ARHGAP28: variants seen among roughly 807,000 people sequenced by gnomAD.
ARHGAP28 encodes rho GTPase-activating protein 28.
In ARHGAP28, 56 loss-of-function variants were observed where a neutral mutation model predicts 90.7. The ratio of observed to expected loss-of-function variants is 0.62; its 90% CI spans 0.50 to 0.77. The LOEUF is 0.77. Ranked by LOEUF, ARHGAP28 falls within the 30% of genes least tolerant of loss-of-function variation. ARHGAP28 has a pLI of 0.00. For synonymous variants in ARHGAP28, 308 were observed against 323.3 expected, an observed-to-expected ratio of 0.95 and a Z score of 0.51; for missense variants, 869 against 900.9, an observed-to-expected ratio of 0.96 and a Z score of 0.45.
chr18:6,865,770 A>G (rs1487776986), intron 5 of ARHGAP28, among the ~76,000 whole-genome samples: 1 of 151,932 alleles, frequency 6.6e-6, no homozygotes, highest in Non-Finnish European at 1.5e-5. Flanking sequence ...TAACATAATA[A>G]CCCCTCATAC....
At chr18:6,740,219 C>G (rs1160245099) in intron 1 of ARHGAP28, among the ~76,000 whole-genome samples, 5 of 152,202 alleles carry the variant, frequency 3.3e-5, no homozygotes, top group Admixed American at 6.5e-5. Context: ...AATTCTTCCT[C>G]TATTCTCTCC....
At chr18:6,826,132 T>TTC (rs1491561709) in intron 2 of ARHGAP28, among the ~76,000 whole-genome samples, 20 of 145,312 alleles carry the variant, frequency 1.4e-4, no homozygotes, top group African/African-American at 4.3e-4. Context: ...TTTTTTTTTT[T>TTC]CTGTTTGTTT....
intron 1 of ARHGAP28, among the ~76,000 whole-genome samples, chr18:6,799,630 G>A (rs973698336): frequency 6.6e-6 from 1 of 152,184 alleles, no homozygotes; most frequent in Non-Finnish European, 1.5e-5. Context: ...AAGCAATGAG[G>A]AAAGGATTCC....
chr18:6,756,959 G>A (rs963828738), intron 1 of ARHGAP28, among the ~76,000 whole-genome samples: 13 of 152,110 alleles, frequency 8.5e-5, no homozygotes, highest in Admixed American at 1.3e-4. Context: ...CGTTGAGGGT[G>A]GGTCTGCCTC....
rs1462361722 is a variant in ARHGAP28, at chr18:6,914,964, G to A, written c.*2810G>A. ...CTATACAGTATAAACTACCTCACTT[G>A]CCTTTCTTGGGAAAAAAAAAATGAA... On this transcript the variant is annotated 3_prime_UTR_variant, in exon 18 of 18. Coordinates refer to ENST00000383472, the MANE Select transcript of ARHGAP28 (RefSeq NM_001366230.1). 6.6e-6 allele frequency: 1 copy of A among 152,258 alleles called. No individual in the cohort carries two copies. The highest frequency in any genetic ancestry group is 2.4e-5 in the African/African-American group (1 of 41,304). The allele number at this position is 152,258 out of a possible 1,614,324, so 9.4% of individuals were successfully genotyped here. A position where few individuals can be genotyped will look rare whatever the true frequency, so the allele number is the denominator to read the frequency against.
intron 2 of ARHGAP28, among the ~76,000 whole-genome samples, chr18:6,835,798 T>C (rs955690545): frequency 1.3e-5 from 2 of 152,226 alleles, no homozygotes; most frequent in Admixed American, 6.5e-5. Flanking sequence ...GGTGGGAGAA[T>C]GAACATCAAT....
rs371049446 is a variant in ARHGAP28, at chr18:6,841,423, GA to G, written c.543+4010del. Among the ~76,000 whole-genome samples the G allele has an allele frequency of 1.9e-3, 291 of 150,900 alleles. 3 individuals carry two copies. In the South Asian group the frequency reaches 0.023, roughly 12 times the overall value. The stretch of plus-strand genomic sequence containing the variant: ...GCATTAATCTTAGATGTATAAATTT[GA>G]CCCAATATACTTATCTAGTAAGGAT... On this transcript the variant is annotated intron_variant, in intron 3 of 17. Coordinates refer to ENST00000383472, the MANE Select transcript of ARHGAP28 (RefSeq NM_001366230.1).
intron 1 of ARHGAP28, among the ~76,000 whole-genome samples, chr18:6,752,142 T>A (rs2056074436): frequency 6.6e-6 from 1 of 152,246 alleles, no homozygotes; most frequent in African/African-American, 2.4e-5. Flanking sequence ...ATTAAGAATT[T>A]AATTTTAGCT....
At chr18:6,807,310 T>A (rs1438462300) in intron 1 of ARHGAP28, among the ~76,000 whole-genome samples, 2 of 152,200 alleles carry the variant, frequency 1.3e-5, no homozygotes, top group African/African-American at 4.8e-5. Flanking sequence ...TTTGTAGTGA[T>A]TGCATTTTCT....
chr18:6,851,534 T>C (rs1470965619), intron 4 of ARHGAP28, among the ~76,000 whole-genome samples: 3 of 152,174 alleles, frequency 2.0e-5, no homozygotes, highest in Non-Finnish European at 4.4e-5. Flanking sequence ...ATTAAGGATA[T>C]ACCTACTATA....
At chr18:6,798,712 A>G (rs2143609283) in intron 1 of ARHGAP28, among the ~76,000 whole-genome samples, 1 of 152,282 alleles carries the variant, frequency 6.6e-6, no homozygotes, top group South Asian at 2.1e-4. Context: ...ATAAAAGACT[A>G]CATATTGGGT....
intron 14 of ARHGAP28, among the ~76,000 whole-genome samples, chr18:6,890,882 A>G (rs181935638): frequency 1.4e-4 from 21 of 152,350 alleles, no homozygotes; most frequent in African/African-American, 4.1e-4. Flanking sequence ...CCAGTATCCA[A>G]ATGTCTAATA....
At chr18:6,872,791 A>G (rs546140595) in intron 7 of ARHGAP28, among the ~76,000 whole-genome samples, 2 of 152,302 alleles carry the variant, frequency 1.3e-5, no homozygotes, top group South Asian at 4.1e-4. Context: ...TGTCTTCAAA[A>G]TCATAGTAGG....
chr18:6,757,252 T>C (rs539434488), intron 1 of ARHGAP28, among the ~76,000 whole-genome samples: 1 of 152,278 alleles, frequency 6.6e-6, no homozygotes, highest in South Asian at 2.1e-4. Flanking sequence ...TTTCACATGG[T>C]GAAGTTTGGA....
At chr18:6,758,702 A>G (rs925749883) in intron 1 of ARHGAP28, among the ~76,000 whole-genome samples, 19 of 152,208 alleles carry the variant, frequency 1.2e-4, no homozygotes, top group Non-Finnish European at 2.4e-4. Flanking sequence ...TTTTCCTCCT[A>G]GCTGCTTGGT....
chr18:6,839,964 A>C (rs1179467123), intron 3 of ARHGAP28, among the ~76,000 whole-genome samples: 1 of 152,204 alleles, frequency 6.6e-6, no homozygotes, highest in Non-Finnish European at 1.5e-5. Flanking sequence ...ACTTTTAAGC[A>C]TTCAGATATG....
At chr18:6,907,279 G>T (rs75438140) in intron 16 of ARHGAP28, among the ~76,000 whole-genome samples, 1 of 151,866 alleles carries the variant, frequency 6.6e-6, no homozygotes, top group Non-Finnish European at 1.5e-5. Context: ...TCCAACTGCC[G>T]TATGACCCAG....
chr18:6,831,273 G>GACTATTTATTAAA, intron 2 of ARHGAP28, among the ~76,000 whole-genome samples: 1 of 151,994 alleles, frequency 6.6e-6, no homozygotes, highest in South Asian at 2.1e-4. Flanking sequence ...TTTTATTACT[G>GACTATTTATTAAA]ACTTTTTATT....
At chr18:6,824,615 A>G in intron 1 of ARHGAP28, 147 bp from the exon 2 acceptor site, 160 of 493,534 alleles carry the variant, frequency 3.2e-4, no homozygotes, top group Middle Eastern at 1.1e-3. Context: ...AGTGGAGATT[A>G]TTCCCTCAAA....
Sources: allele counts gnomAD v4.1 joint callset (sites outside exome capture counted in the v4.1 genomes callset), GRCh38; gene constraint gnomAD v4.1.1; transcripts MANE v1.5; gene names NCBI Gene and HGNC (gene_info 2026-07-23, HGNC 2026-07-21).